Variants in FRMD4A observed in about 807,000 individuals in gnomAD.
The protein encoded by FRMD4A is FERM domain containing 4A, also known as FERM domain-containing protein 4A.
Under a neutral mutation model 129.1 loss-of-function variants are expected in FRMD4A, and 29 were observed. The observed-to-expected ratio is 0.22, with a 90% CI of 0.17 to 0.31. The LOEUF is 0.31. FRMD4A is among the 10% of genes least tolerant of loss of function. The pLI is 1.00. For synonymous variants in FRMD4A, 634 were observed against 571.6 expected, an observed-to-expected ratio of 1.11 and a Z score of -1.56; for missense variants, 1,272 against 1,375.8, an observed-to-expected ratio of 0.92 and a Z score of 1.19.
At position 13,646,067 on chromosome 10, in the gene FRMD4A, CTCTT is replaced by C. The variant is rs376425010; in HGVS notation, c.*967_*970del. The C allele has an allele frequency of 7.5e-4, 115 of 152,594 alleles. 2 individuals carry two copies. The highest frequency in any genetic ancestry group is 2.6e-3 in the African/African-American group (107 of 41,546). The allele number at this position is 152,594 out of a possible 1,614,324, so 9.5% of individuals were successfully genotyped here. A position where few individuals can be genotyped will look rare whatever the true frequency, so the allele number is the denominator to read the frequency against. ...TACCCTCTACGACTCCCACAGGTCT[CTCTT>C]TGTGTCCAGATGGATGGCGACTGTG... On this transcript the variant is annotated 3_prime_UTR_variant, in exon 25 of 25. Transcript: ENST00000357447.
chr10:13,854,460 G>A lies in FRMD4A; in HGVS notation c.111+4387C>T, dbSNP rs537701964. 3.9e-5 allele frequency among the ~76,000 whole-genome samples: 6 copies of A among 151,946 alleles called. No homozygotes were observed. The South Asian group carries it at 6.3e-4, about 16-fold the overall frequency. ...GTGGGGGACAAAGTCTTGCTCTGTCGCCCAGGCTGGAGTGCAGTGGTGTGA... is the reference window on the plus strand; with the variant it reads ...GTGGGGGACAAAGTCTTGCTCTGTCACCCAGGCTGGAGTGCAGTGGTGTGA... On this transcript the variant is annotated intron_variant, in intron 3 of 24. Transcript: ENST00000357447.
At chr10:13,714,338 T>C (rs980418250) in intron 12 of FRMD4A, among the ~76,000 whole-genome samples, 2 of 151,340 alleles carry the variant, frequency 1.3e-5, no homozygotes, top group African/African-American at 4.8e-5. Context: ...GCTAGGATTA[T>C]AGGTGTGAGC....
chr10:13,759,829 C>G (rs909986873), intron 8 of FRMD4A, among the ~76,000 whole-genome samples: 4 of 152,122 alleles, frequency 2.6e-5, no homozygotes, highest in Admixed American at 6.6e-5. Context: ...AAAAATTTGA[C>G]TACCACTGCT....
chr10:14,180,303 G>A (rs927157773), intron 2 of FRMD4A, among the ~76,000 whole-genome samples: 8 of 152,158 alleles, frequency 5.3e-5, no homozygotes, highest in African/African-American at 1.2e-4. Flanking sequence ...TATGGTAGTA[G>A]ATAGCATCAT....
At chr10:14,300,181 T>C (rs910469080) in intron 2 of FRMD4A, among the ~76,000 whole-genome samples, 1 of 152,128 alleles carries the variant, frequency 6.6e-6, no homozygotes, top group Non-Finnish European at 1.5e-5. Flanking sequence ...TAAATTCAAG[T>C]TCCTTGCCAT....
intron 2 of FRMD4A, among the ~76,000 whole-genome samples, chr10:14,295,626 T>C (rs1223723448): frequency 6.6e-6 from 1 of 152,058 alleles, no homozygotes; most frequent in Admixed American, 6.6e-5. Flanking sequence ...AGTGGGGACA[T>C]GGTGAGAGGA....
At chr10:14,031,645 A>G (rs897280948) in intron 2 of FRMD4A, among the ~76,000 whole-genome samples, 1 of 152,162 alleles carries the variant, frequency 6.6e-6, no homozygotes, top group African/African-American at 2.4e-5. Flanking sequence ...TGTTTAGAGA[A>G]CCAAGGCATG....
intron 23 of FRMD4A, 35 bp from the exon 24 acceptor site, chr10:13,652,009 G>A: frequency 8.7e-7 from 1 of 1,152,764 alleles, no homozygotes; most frequent in Non-Finnish European, 1.3e-6. Context: ...GAAGAGAAGA[G>A]AGGTCATGTT....
chr10:13,835,014 C>T lies in FRMD4A; in HGVS notation c.111+23833G>A, dbSNP rs535815610. Among the ~76,000 whole-genome samples the T allele has an allele frequency of 3.3e-5, 5 of 152,254 alleles. No homozygotes were observed. In the South Asian group the frequency reaches 1.0e-3, roughly 32 times the overall value. ...CATGATGATATCATCTATCTAAGAC[C>T]CAAGAGTGAGGCTGCCAGGGGGTGG... is the stretch of plus-strand genomic sequence containing the variant. On this transcript the variant is annotated intron_variant, in intron 3 of 24. Transcript: ENST00000357447.
intron 2 of FRMD4A, among the ~76,000 whole-genome samples, chr10:14,080,325 T>A (rs1835855408): frequency 6.6e-6 from 1 of 152,162 alleles, no homozygotes; most frequent in South Asian, 2.1e-4. Context: ...AAGGTCTTTA[T>A]GATGTTCTAT....
At chr10:14,032,765 C>T (rs976196553) in intron 2 of FRMD4A, among the ~76,000 whole-genome samples, 2 of 152,216 alleles carry the variant, frequency 1.3e-5, no homozygotes, top group African/African-American at 4.8e-5. Context: ...TAGGAGCCAG[C>T]ATCCCTGGAC....
At chr10:14,142,459 C>T (rs1190061655) in intron 2 of FRMD4A, among the ~76,000 whole-genome samples, 1 of 152,180 alleles carries the variant, frequency 6.6e-6, no homozygotes, top group Non-Finnish European at 1.5e-5. Flanking sequence ...TCATCATATG[C>T]CCTAAGAGAT....
intron 6 of FRMD4A, among the ~76,000 whole-genome samples, chr10:13,772,203 ATATT>A (rs1554889455): frequency 0.18 from 25,906 of 143,326 alleles, 2,995 homozygotes; most frequent in Non-Finnish European, 0.26. Context: ...ATAATAATAA[ATATT>A]TATTTATTAT....
At chr10:14,109,471 T>A (rs1408954920) in intron 2 of FRMD4A, among the ~76,000 whole-genome samples, 1 of 152,212 alleles carries the variant, frequency 6.6e-6, no homozygotes, top group Non-Finnish European at 1.5e-5. Flanking sequence ...TAGTTGTTTC[T>A]TTTAAAGGAC....
intron 2 of FRMD4A, among the ~76,000 whole-genome samples, chr10:14,155,845 T>C (rs1039296074): frequency 1.3e-5 from 2 of 152,216 alleles, no homozygotes; most frequent in Non-Finnish European, 2.9e-5. Flanking sequence ...CACATGTAGA[T>C]AGAAACACAT....
chr10:13,855,286 G>A lies in FRMD4A; in HGVS notation c.111+3561C>T, dbSNP rs561421764. Among the ~76,000 whole-genome samples the A allele has an allele frequency of 3.6e-4, 55 of 152,198 alleles. 2 individuals are homozygous for A. The South Asian group carries it at 9.1e-3, about 25-fold the overall frequency. ...CCTGGCAAGAGGCAAATGGGGAGTC[G>A]GTTTGGATGCCGTCAGCTTTCTCGC... On this transcript the variant is annotated intron_variant, in intron 3 of 24. Coordinates refer to ENST00000357447, the MANE Select transcript of FRMD4A (RefSeq NM_018027.5).
chr10:14,231,740 G>A (rs986629925), intron 2 of FRMD4A, among the ~76,000 whole-genome samples: 1 of 149,936 alleles, frequency 6.7e-6, no homozygotes, highest in Admixed American at 6.9e-5. Flanking sequence ...TTTAAGAAGT[G>A]TTTGTTTATG....
chr10:14,161,011 G>C (rs149415395), intron 2 of FRMD4A, among the ~76,000 whole-genome samples: 2,249 of 152,232 alleles, frequency 0.015, 44 homozygotes, highest in African/African-American at 0.051. Context: ...CTGGAGTGCA[G>C]TGGCACAATC....
chr10:13,999,497 T>C (rs1240275086), intron 2 of FRMD4A, among the ~76,000 whole-genome samples: 2 of 152,232 alleles, frequency 1.3e-5, no homozygotes, highest in African/African-American at 4.8e-5. Context: ...CTTATTGGTT[T>C]TCCTCATTAA....
Sources: gnomAD v4.1 joint callset for allele counts (sites outside exome capture counted in the v4.1 genomes callset) on GRCh38, gnomAD v4.1.1 for gene constraint, MANE v1.5 for transcripts, NCBI Gene and HGNC (gene_info 2026-07-23, HGNC 2026-07-21) for gene names.